Variants in ZNF143 observed in about 807,000 individuals in gnomAD.
ZNF143 encodes zinc finger protein 143.
A neutral mutation model predicts 74.1 loss-of-function variants in ZNF143; 49 were observed. That is an observed-to-expected ratio of 0.66 (90% CI 0.53 to 0.84). ZNF143 has a LOEUF of 0.84. ZNF143 is among the 40% of genes least tolerant of loss of function. The pLI is 0.00. For synonymous variants in ZNF143, 304 were observed against 282.8 expected, an observed-to-expected ratio of 1.07 and a Z score of -0.75; for missense variants, 637 against 793.4, an observed-to-expected ratio of 0.80 and a Z score of 2.37.
intron 14 of ZNF143, among the ~76,000 whole-genome samples, chr11:9,519,560 A>T (rs2134233700): frequency 1.3e-5 from 2 of 152,320 alleles, no homozygotes; most frequent in Admixed American, 1.3e-4. Context: ...GCATGTAATA[A>T]CAGTTCATTC....
At chr11:9,469,212 G>A (rs968198539) in intron 1 of ZNF143, among the ~76,000 whole-genome samples, 16 of 136,382 alleles carry the variant, frequency 1.2e-4, no homozygotes, top group African/African-American at 4.6e-4. Flanking sequence ...TCTCAGCAGG[G>A]GTCTTTTTTT....
chr11:9,522,096 G>C (rs1380774886), intron 14 of ZNF143, among the ~76,000 whole-genome samples: 1 of 151,338 alleles, frequency 6.6e-6, no homozygotes, highest in East Asian at 1.9e-4. Flanking sequence ...TCAGTGGAAG[G>C]TAAAGCAATT....
chr11:9,482,157 A>T, intron 7 of ZNF143, among the ~76,000 whole-genome samples: 1 of 148,054 alleles, frequency 6.8e-6, no homozygotes, highest in South Asian at 2.1e-4. Context: ...TTTTTAGTAG[A>T]GGCAGGGTTT....
intron 14 of ZNF143, among the ~76,000 whole-genome samples, chr11:9,522,714 G>T (rs943166484): frequency 6.6e-6 from 1 of 151,892 alleles, no homozygotes; most frequent in Non-Finnish European, 1.5e-5. Context: ...GGCTGGTCTC[G>T]AACTGCTGAC....
chr11:9,521,571 G>GTTT (rs1176133537), intron 14 of ZNF143, among the ~76,000 whole-genome samples: 2 of 145,132 alleles, frequency 1.4e-5, no homozygotes, highest in African/African-American at 5.0e-5. Flanking sequence ...GTTTTTTTTT[G>GTTT]TTTTTTTTTT....
intron 1 of ZNF143, among the ~76,000 whole-genome samples, chr11:9,462,200 G>A (rs1855903444): frequency 6.7e-6 from 1 of 149,428 alleles, no homozygotes; most frequent in African/African-American, 2.5e-5. Flanking sequence ...TTTTTTAATT[G>A]TCAGTGTCCA....
At chr11:9,484,282 C>T (rs1007854121) in intron 7 of ZNF143, among the ~76,000 whole-genome samples, 3 of 151,356 alleles carry the variant, frequency 2.0e-5, no homozygotes, top group Non-Finnish European at 2.9e-5. Context: ...CAGCCACTGC[C>T]TCCTGGGTTT....
chr11:9,500,394 G>T (rs1286489675), intron 10 of ZNF143, among the ~76,000 whole-genome samples: 1 of 150,788 alleles, frequency 6.6e-6, no homozygotes, highest in Non-Finnish European at 1.5e-5. Context: ...TCCTGACACA[G>T]TTAATATTAG....
intron 12 of ZNF143, 103 bp from the exon 13 acceptor site, chr11:9,512,345 T>G: frequency 7.0e-7 from 1 of 1,423,694 alleles, no homozygotes; most frequent in Non-Finnish European, 9.5e-7. Context: ...ATATAATACA[T>G]GTACATTTTA....
At chr11:9,469,911 G>T (rs953270812) in intron 1 of ZNF143, among the ~76,000 whole-genome samples, 1 of 152,052 alleles carries the variant, frequency 6.6e-6, no homozygotes, top group Non-Finnish European at 1.5e-5. Context: ...TCCCACTTTT[G>T]GTCTAATGAA....
intron 14 of ZNF143, among the ~76,000 whole-genome samples, chr11:9,523,570 A>C (rs1442080154): frequency 6.6e-6 from 1 of 150,544 alleles, no homozygotes; most frequent in Non-Finnish European, 1.5e-5. Context: ...CGTGTCTACT[A>C]AAAAATACAA....
Position 9,508,807 on chromosome 11 carries a change from A to T in ZNF143, c.1336A>T (p.Ile446Phe). ...KRTAHNDTEP[I>F]EEEQEAFFEP... Reference sequence around the variant, plus strand: ...GACAGCCCACAACGACACTGAGCCCATCGAGGAGGAGCAGGAAGCCTTCTT... The same window carrying T: ...GACAGCCCACAACGACACTGAGCCCTTCGAGGAGGAGCAGGAAGCCTTCTT... The change falls in exon 12 of 16, where the codon ATC becomes TTC. Residue 446 changes from isoleucine (I) to phenylalanine (F), a missense_variant. Physicochemically the swap from Ile to Phe is conservative, Grantham distance 21 (BLOSUM62 0). Transcript: ENST00000396602. The T allele has an allele frequency of 6.2e-7, 1 of 1,604,766 alleles. No homozygotes were observed. The highest frequency in any genetic ancestry group is 8.5e-7 in the Non-Finnish European group (1 of 1,175,102).
chr11:9,486,788 C>T (rs1323989003), intron 7 of ZNF143, among the ~76,000 whole-genome samples: 1 of 149,726 alleles, frequency 6.7e-6, no homozygotes, highest in African/African-American at 2.5e-5. Context: ...CCTTCCTCAG[C>T]CTCCCGAGTA....
chr11:9,464,196 A>T (rs1344271452), intron 1 of ZNF143, among the ~76,000 whole-genome samples: 1 of 151,816 alleles, frequency 6.6e-6, no homozygotes, highest in Non-Finnish European at 1.5e-5. Context: ...CAGTGGCATG[A>T]TCTCAGCTCA....
In ZNF143 at chr11:9,508,936, C is replaced by G. The variant is rs574563697; in HGVS notation, c.1375+90C>G. 1.1e-5 allele frequency: 15 copies of G among 1,314,034 alleles called. No individual in the cohort carries two copies. In the African/African-American group the frequency reaches 2.1e-4, roughly 18 times the overall value. 81.4% of individuals were successfully genotyped at this position (1,314,034 alleles called of 1,614,324 possible). A position where few individuals can be genotyped will look rare whatever the true frequency, so the allele number is the denominator to read the frequency against. ...ATGATTCATAGCATTTTCTGAAATC[C>G]TAATGTGTCATTCGTATAATCACAT... On this transcript the variant is annotated intron_variant, in intron 12 of 15. Transcript: ENST00000396602.
chr11:9,514,595 A>G (rs1029272527), intron 13 of ZNF143, among the ~76,000 whole-genome samples: 5 of 152,376 alleles, frequency 3.3e-5, no homozygotes, highest in Middle Eastern at 3.4e-3. Flanking sequence ...TTTTCTTCCT[A>G]AAGTAATCTT....
At chr11:9,472,543 C>T (rs1856641965) in intron 2 of ZNF143, 134 bp from the exon 3 acceptor site, 2 of 741,198 alleles carry the variant, frequency 2.7e-6, no homozygotes, top group Admixed American at 2.6e-5. Flanking sequence ...TGAGCCACTG[C>T]ACCCGGCCGC....
intron 7 of ZNF143, among the ~76,000 whole-genome samples, chr11:9,480,776 A>T (rs1847203979): frequency 6.6e-6 from 1 of 151,744 alleles, no homozygotes; most frequent in South Asian, 2.1e-4. Context: ...AATCCTAGCT[A>T]CTCAGGAGGC....
chr11:9,525,399 G>A lies in ZNF143; in HGVS notation c.1833+13G>A, dbSNP rs1352067863. ...GATTGCAGTTCAGGTGAGTACCAAG[G>A]CATACTGTCCTCAGTCGACAGCAGT... On this transcript the variant is annotated intron_variant, in intron 15 of 15. Transcript: ENST00000396602. The A allele has an allele frequency of 1.2e-6, 2 of 1,613,804 alleles. No individual in the cohort carries two copies. The highest frequency in any genetic ancestry group is 2.2e-5 in the East Asian group (1 of 44,892).
Sources: gnomAD v4.1 joint callset for allele counts (sites outside exome capture counted in the v4.1 genomes callset) on GRCh38, gnomAD v4.1.1 for gene constraint, MANE v1.5 for transcripts, NCBI Gene and HGNC (gene_info 2026-07-23, HGNC 2026-07-21) for gene names.